The following FBXL17 variants were observed in gnomAD, a reference collection of about 807,000 sequenced individuals.
The protein encoded by FBXL17 is F-box and leucine rich repeat protein 17.
A neutral mutation model predicts 66.2 loss-of-function variants in FBXL17; 22 were observed. That is an observed-to-expected ratio of 0.33 (90% CI 0.24 to 0.47). FBXL17 has a LOEUF of 0.47. FBXL17 is among the 20% of genes least tolerant of loss of function. The pLI is 1.00. For synonymous variants in FBXL17, 474 were observed against 400.5 expected, an observed-to-expected ratio of 1.18 and a Z score of -2.19; for missense variants, 878 against 948.2, an observed-to-expected ratio of 0.93 and a Z score of 0.97.
chr5:108,310,798 A>G lies in FBXL17; in HGVS notation c.1506+37601T>C, dbSNP rs565834657. On this transcript the variant is annotated intron_variant, in intron 4 of 8. Coordinates refer to ENST00000542267, the MANE Select transcript of FBXL17 (RefSeq NM_001163315.3). ...TGTAAGTTTCTTTTATTTTAAATCA[A>G]AGGCAATATGTGACTTGTCAGGGTT... Among the ~76,000 whole-genome samples the G allele has an allele frequency of 5.3e-5, 8 of 152,306 alleles. No individual in the cohort carries two copies. The East Asian group carries it at 1.5e-3, about 29-fold the overall frequency.
At chr5:108,089,557 C>T (rs1196576400) in intron 6 of FBXL17, among the ~76,000 whole-genome samples, 5 of 152,140 alleles carry the variant, frequency 3.3e-5, no homozygotes, top group African/African-American at 1.2e-4. Flanking sequence ...GATTCTGGAC[C>T]TGCTCACATC....
chr5:108,092,220 T>G (rs1373178811), intron 6 of FBXL17, among the ~76,000 whole-genome samples: 2 of 151,868 alleles, frequency 1.3e-5, no homozygotes, highest in Non-Finnish European at 2.9e-5. Context: ...AAACGACCCT[T>G]AGCGATCCAG....
intron 5 of FBXL17, among the ~76,000 whole-genome samples, chr5:108,217,862 CA>C (rs1754675955): frequency 6.6e-6 from 1 of 152,096 alleles, no homozygotes. Flanking sequence ...GTAAGAAGAT[CA>C]TGCAGTATTT....
chr5:108,200,723 C>A (rs1753857989), intron 5 of FBXL17, among the ~76,000 whole-genome samples: 1 of 150,842 alleles, frequency 6.6e-6, no homozygotes, highest in Admixed American at 6.6e-5. Flanking sequence ...GGCCAATCAT[C>A]CCACTGGGAT....
intron 4 of FBXL17, among the ~76,000 whole-genome samples, chr5:108,326,106 C>T (rs1198596523): frequency 6.6e-6 from 1 of 152,068 alleles, no homozygotes; most frequent in Non-Finnish European, 1.5e-5. Context: ...TTAGACAAGA[C>T]CCAAAAGCCC....
intron 4 of FBXL17, among the ~76,000 whole-genome samples, chr5:108,303,361 A>AACACAC (rs58495859): frequency 1.4e-3 from 202 of 141,976 alleles, no homozygotes; most frequent in African/African-American, 4.7e-3. Context: ...CACAGGCATA[A>AACACAC]ACACACACAC....
At chr5:108,079,356 C>G (rs1748678086) in intron 6 of FBXL17, among the ~76,000 whole-genome samples, 1 of 152,036 alleles carries the variant, frequency 6.6e-6, no homozygotes, top group African/African-American at 2.4e-5. Context: ...TCCTGAAACT[C>G]TCTCAAGGGT....
chr5:108,041,821 C>T (rs1747057595), intron 6 of FBXL17, among the ~76,000 whole-genome samples: 1 of 152,110 alleles, frequency 6.6e-6, no homozygotes, highest in South Asian at 2.1e-4. Flanking sequence ...TAGTAAACAC[C>T]ATTATACCTA....
intron 5 of FBXL17, among the ~76,000 whole-genome samples, chr5:108,214,257 G>T (rs78296203): frequency 0.044 from 6,720 of 152,180 alleles, 800 homozygotes; most frequent in East Asian, 0.4. Flanking sequence ...TCCACTGGGG[G>T]TTGTGGAATA....
chr5:108,046,176 G>C (rs1226478170), intron 6 of FBXL17, among the ~76,000 whole-genome samples: 4 of 152,022 alleles, frequency 2.6e-5, no homozygotes, highest in African/African-American at 9.7e-5. Flanking sequence ...ATGTCTAATG[G>C]GTGGATTGAT....
chr5:108,177,284 T>C (rs1472478927), intron 6 of FBXL17, among the ~76,000 whole-genome samples: 3 of 152,142 alleles, frequency 2.0e-5, no homozygotes, highest in Non-Finnish European at 4.4e-5. Context: ...TCATAAGAAA[T>C]GAAGAGTATT....
intron 7 of FBXL17, among the ~76,000 whole-genome samples, chr5:107,921,471 T>C (rs1481913348): frequency 1.3e-5 from 2 of 152,150 alleles, no homozygotes; most frequent in Non-Finnish European, 2.9e-5. Flanking sequence ...GGCAATGACA[T>C]TGAGAAGCAG....
In FBXL17 at chr5:108,170,464, T is replaced by C. The variant is rs373101211; in HGVS notation, c.1745+15653A>G. Among the ~76,000 whole-genome samples, 15 of 152,316 alleles carry C rather than the reference T, an allele frequency of 9.8e-5. No individual in the cohort carries two copies. In the South Asian group the frequency reaches 2.9e-3, roughly 29 times the overall value. ...AAAAATAAAGATTCCCATTTCTATATGTGGAGTTTTTGGTAGATATTAGTA... is the reference window on the plus strand; with the variant it reads ...AAAAATAAAGATTCCCATTTCTATACGTGGAGTTTTTGGTAGATATTAGTA... On this transcript the variant is annotated intron_variant, in intron 6 of 8. Transcript: ENST00000542267.
intron 6 of FBXL17, among the ~76,000 whole-genome samples, chr5:108,078,460 C>G (rs1381214398): frequency 6.6e-6 from 1 of 152,124 alleles, no homozygotes; most frequent in Admixed American, 6.5e-5. Context: ...AGATGACTGT[C>G]AGAAAGCCAG....
chr5:107,945,589 C>T (rs554230991), intron 7 of FBXL17, among the ~76,000 whole-genome samples: 13 of 151,918 alleles, frequency 8.6e-5, no homozygotes, highest in African/African-American at 2.9e-4. Flanking sequence ...AAGCATAATG[C>T]CAAGAAACAA....
At chr5:107,869,182 T>A (rs1042215585) in intron 8 of FBXL17, among the ~76,000 whole-genome samples, 20 of 152,172 alleles carry the variant, frequency 1.3e-4, no homozygotes, top group African/African-American at 4.8e-4. Context: ...CAATGACTGC[T>A]AACAGCCCCA....
At chr5:108,352,188 T>C (rs929170164) in intron 3 of FBXL17, among the ~76,000 whole-genome samples, 2 of 152,214 alleles carry the variant, frequency 1.3e-5, no homozygotes, top group African/African-American at 4.8e-5. Flanking sequence ...GAAACTGATA[T>C]TCTGTTTTAG....
At chr5:108,052,011 G>A (rs951792323) in intron 6 of FBXL17, among the ~76,000 whole-genome samples, 4 of 150,882 alleles carry the variant, frequency 2.7e-5, no homozygotes, top group Non-Finnish European at 5.9e-5. Flanking sequence ...TACTCAGCAG[G>A]CTGAGGCAGG....
intron 4 of FBXL17, among the ~76,000 whole-genome samples, chr5:108,271,331 C>A (rs2150137905): frequency 6.6e-6 from 1 of 152,308 alleles, no homozygotes; most frequent in South Asian, 2.1e-4. Flanking sequence ...CCCCAACTCT[C>A]AGCCCAACAT....
Sources: allele counts gnomAD v4.1 joint callset (sites outside exome capture counted in the v4.1 genomes callset), GRCh38; gene constraint gnomAD v4.1.1; transcripts MANE v1.5; gene names NCBI Gene and HGNC (gene_info 2026-07-23, HGNC 2026-07-21).